Variants in GPR158 observed in about 807,000 individuals in gnomAD.
GPR158 encodes G protein-coupled receptor 158.
GPR158 carries 30 observed loss-of-function variants against 78.2 expected under a neutral mutation model. The observed-to-expected ratio is 0.38, with a 90% confidence interval of 0.29 to 0.52. GPR158 has a LOEUF of 0.52. Among genes scored for constraint, GPR158 ranks in the 20% least tolerant of loss-of-function variants. The pLI is 0.83. For missense variants in GPR158, 1,463 were observed against 1,523.5 expected (o/e 0.96, Z 0.66); for synonymous variants, 581 against 591.1 (o/e 0.98, Z 0.25).
chr10:25,455,773 G>A (rs780378004), intron 4 of GPR158, among the ~76,000 whole-genome samples: 1 of 152,128 alleles, frequency 6.6e-6, no homozygotes, highest in Non-Finnish European at 1.5e-5. Context: ...TAAGCATAAA[G>A]ACCAATGAAA....
At chr10:25,349,704 C>G (rs1223669731) in intron 2 of GPR158, among the ~76,000 whole-genome samples, 1 of 146,794 alleles carries the variant, frequency 6.8e-6, no homozygotes, top group Non-Finnish European at 1.5e-5. Flanking sequence ...GTTAAACCTC[C>G]TTTCTTCATA....
chr10:25,307,163 C>A (rs1854689117), intron 2 of GPR158, among the ~76,000 whole-genome samples: 1 of 151,966 alleles, frequency 6.6e-6, no homozygotes, highest in South Asian at 2.1e-4. Context: ...TGATCTGCTT[C>A]TTTCAGGTAG....
chr10:25,530,232 CAA>C (rs1346898992), intron 5 of GPR158, among the ~76,000 whole-genome samples: 9 of 152,064 alleles, frequency 5.9e-5, no homozygotes, highest in Non-Finnish European at 1.0e-4. Flanking sequence ...ATTAAAAAAA[CAA>C]ACACAGAACT....
chr10:25,564,221 C>T (rs1396348516), intron 6 of GPR158, among the ~76,000 whole-genome samples: 1 of 152,162 alleles, frequency 6.6e-6, no homozygotes, highest in Admixed American at 6.6e-5. Context: ...GGTATGTCAT[C>T]AACACACATG....
intron 5 of GPR158, among the ~76,000 whole-genome samples, chr10:25,544,791 G>C (rs1236060399): frequency 6.6e-6 from 1 of 152,146 alleles, no homozygotes; most frequent in East Asian, 1.9e-4. Context: ...CACGTGCCAT[G>C]GTGGTTTGCT....
At chr10:25,495,845 C>T (rs1835872922) in intron 5 of GPR158, among the ~76,000 whole-genome samples, 1 of 151,986 alleles carries the variant, frequency 6.6e-6, no homozygotes, top group Admixed American at 6.6e-5. Flanking sequence ...AGAAATTTTG[C>T]CTCCACCTTA....
chr10:25,378,201 A>G (rs1418130), intron 2 of GPR158, among the ~76,000 whole-genome samples: 100,463 of 151,968 alleles, frequency 0.66, 34,291 homozygotes, highest in Non-Finnish European at 0.75. Flanking sequence ...TGATACGAGC[A>G]AAATTCAATT....
At chr10:25,589,802 A>G (rs1216049947) in intron 8 of GPR158, among the ~76,000 whole-genome samples, 1 of 152,226 alleles carries the variant, frequency 6.6e-6, no homozygotes. Context: ...TGAAATATAT[A>G]TGACTTATCT....
chr10:25,250,496 G>C (rs1467863535), intron 2 of GPR158, among the ~76,000 whole-genome samples: 3 of 146,686 alleles, frequency 2.0e-5, no homozygotes, highest in Non-Finnish European at 3.0e-5. Flanking sequence ...GTGTCCCAGA[G>C]ATTCTGGTAT....
chr10:25,265,579 A>G (rs1854035246), intron 2 of GPR158, among the ~76,000 whole-genome samples: 1 of 152,186 alleles, frequency 6.6e-6, no homozygotes, highest in East Asian at 1.9e-4. Flanking sequence ...TTAAAGTAAG[A>G]GCAAGAATGG....
At chr10:25,572,580 TAA>T (rs2130731787) in intron 6 of GPR158, 67 bp from the exon 7 acceptor site, 3 of 1,001,018 alleles carry the variant, frequency 3.0e-6, no homozygotes, top group Non-Finnish European at 4.8e-6. Flanking sequence ...CCTAGAAAAA[TAA>T]GTTATTTTAG....
chr10:25,399,244 T>C (rs1303237685), intron 3 of GPR158, among the ~76,000 whole-genome samples: 2 of 152,130 alleles, frequency 1.3e-5, no homozygotes, highest in Non-Finnish European at 2.9e-5. Flanking sequence ...ACTGCTCTCA[T>C]GATTTAATTA....
chr10:25,346,028 A>T (rs1012769056), intron 2 of GPR158, among the ~76,000 whole-genome samples: 1 of 151,990 alleles, frequency 6.6e-6, no homozygotes, highest in South Asian at 2.1e-4. Context: ...TAATTTAAAT[A>T]TATAATATCA....
intron 5 of GPR158, among the ~76,000 whole-genome samples, chr10:25,509,293 C>T (rs1004646473): frequency 6.6e-6 from 1 of 152,066 alleles, no homozygotes; most frequent in African/African-American, 2.4e-5. Flanking sequence ...AGTAAGTGTC[C>T]CCTGAATATC....
At chr10:25,504,151 A>G (rs1835980449) in intron 5 of GPR158, among the ~76,000 whole-genome samples, 1 of 152,192 alleles carries the variant, frequency 6.6e-6, no homozygotes, top group African/African-American at 2.4e-5. Context: ...TCAGCCTCCC[A>G]AAGTACTGGG....
chr10:25,447,171 G>C (rs1392442012), intron 4 of GPR158, among the ~76,000 whole-genome samples: 1 of 152,050 alleles, frequency 6.6e-6, no homozygotes, highest in Non-Finnish European at 1.5e-5. Context: ...TAGATTTATA[G>C]ATAATATTTT....
At position 25,443,554 on chromosome 10, in the gene GPR158, C is replaced by CA. The variant is rs67094533; in HGVS notation, c.1336-23078dup. On this transcript the variant is annotated intron_variant, in intron 4 of 10. Coordinates refer to ENST00000376351, the MANE Select transcript of GPR158 (RefSeq NM_020752.3). ...TGGGCGACAGAGCGAGAGACTGTTT[C>CA]AAAAAAAAAAAAAAAAAAATTTTTT... 5.7e-3 allele frequency among the ~76,000 whole-genome samples: 611 copies of CA among 107,560 alleles called. 7 individuals are homozygous for CA. The highest frequency in any genetic ancestry group is 0.029 in the Middle Eastern group (4 of 136). 70.6% of individuals were successfully genotyped at this position (107,560 alleles called of 152,430 possible).
intron 2 of GPR158, among the ~76,000 whole-genome samples, chr10:25,225,802 T>C (rs1481560187): frequency 1.3e-5 from 2 of 152,134 alleles, no homozygotes; most frequent in Non-Finnish European, 2.9e-5. Context: ...TATTTGTAAT[T>C]CTTTACTACT....
chr10:25,314,040 G>A (rs1397090841), intron 2 of GPR158, among the ~76,000 whole-genome samples: 1 of 151,960 alleles, frequency 6.6e-6, no homozygotes, highest in Non-Finnish European at 1.5e-5. Context: ...TTTTATTATT[G>A]AGTAAATTTT....
Sources: gnomAD v4.1 joint callset for allele counts (sites outside exome capture counted in the v4.1 genomes callset) on GRCh38, gnomAD v4.1.1 for gene constraint, MANE v1.5 for transcripts, NCBI Gene and HGNC (gene_info 2026-07-23, HGNC 2026-07-21) for gene names.